SFSWAP: variants seen among roughly 807,000 people sequenced by gnomAD.
The protein encoded by SFSWAP is splicing factor SWAP.
In SFSWAP, 17 loss-of-function variants were observed where a neutral mutation model predicts 100.7. The ratio of observed to expected loss-of-function variants is 0.17; its 90% confidence interval spans 0.12 to 0.25. The LOEUF (loss-of-function observed/expected upper bound fraction) is 0.25. SFSWAP is among the 10% of genes least tolerant of loss of function. The pLI is 1.00. For synonymous variants in SFSWAP, 504 were observed against 510.1 expected, an observed-to-expected ratio of 0.99 and a Z score of 0.16; for missense variants, 1,005 against 1,262.6, an observed-to-expected ratio of 0.80 and a Z score of 3.09.
intron 9 of SFSWAP, 76 bp downstream of exon 9, chr12:131,754,575 G>T: frequency 9.9e-7 from 1 of 1,011,632 alleles, no homozygotes; most frequent in Non-Finnish European, 1.3e-6. Context: ...AAAAATGTAG[G>T]TACAGAATTA....
rs1052617801 is a variant in SFSWAP at position 131,794,445 on chromosome 12, G to A, written c.2535-2733G>A. Among the ~76,000 whole-genome samples, 19 of 151,998 alleles carry A rather than the reference G, an allele frequency of 1.3e-4. No individual in the cohort carries two copies. The highest frequency in any genetic ancestry group is 1.2e-3 in the Admixed American group (18 of 15,238). Reference sequence around the variant, plus strand: ...CCAGCTACTTGGGAGGCTGAGGCAAGAGGATCACTGGAGCCTGGGAGGTCA... The same window carrying A: ...CCAGCTACTTGGGAGGCTGAGGCAAAAGGATCACTGGAGCCTGGGAGGTCA... On this transcript the variant is annotated intron_variant, in intron 15 of 17. Coordinates refer to ENST00000261674, the MANE Select transcript of SFSWAP (RefSeq NM_004592.4). This position sits in a 1 kb window ranked among gnomAD's most constrained non-coding sequence, Gnocchi z 4.8.
intron 13 of SFSWAP, among the ~76,000 whole-genome samples, chr12:131,771,159 T>C (rs1248290788): frequency 2.0e-5 from 3 of 152,200 alleles, no homozygotes; most frequent in Non-Finnish European, 4.4e-5. Flanking sequence ...TCATAGGGGA[T>C]CATACCCTAC....
intron 13 of SFSWAP, among the ~76,000 whole-genome samples, chr12:131,777,258 C>T (rs1884099630): frequency 6.6e-6 from 1 of 152,094 alleles, no homozygotes; most frequent in South Asian, 2.1e-4. Flanking sequence ...CATCATTTAA[C>T]GTTAGGTATA....
At chr12:131,785,054 G>A (rs1443827736) in intron 14 of SFSWAP, 1 of 1,528,254 alleles carries the variant, frequency 6.5e-7, no homozygotes, top group Non-Finnish European at 8.8e-7. Flanking sequence ...AATGTGAAGT[G>A]TGTGCCTCCG....
intron 7 of SFSWAP, among the ~76,000 whole-genome samples, chr12:131,732,773 C>T (rs1879631990): frequency 6.6e-6 from 1 of 152,188 alleles, no homozygotes; most frequent in African/African-American, 2.4e-5. Context: ...GCACAACCGT[C>T]AGAGGCATTG....
chr12:131,775,593 G>C (rs574722999), intron 13 of SFSWAP, among the ~76,000 whole-genome samples: 2 of 152,126 alleles, frequency 1.3e-5, no homozygotes, highest in Admixed American at 1.3e-4. Context: ...TCTCCCTTTC[G>C]GTGTGTATGG....
At chr12:131,792,132 CGT>C (rs1396119235) in intron 15 of SFSWAP, among the ~76,000 whole-genome samples, 3 of 147,300 alleles carry the variant, frequency 2.0e-5, no homozygotes, top group African/African-American at 7.8e-5. Flanking sequence ...TGTGTGTGCA[CGT>C]GTGTGTTCAC....
At chr12:131,781,613 A>G (rs1391106673) in intron 14 of SFSWAP, among the ~76,000 whole-genome samples, 1 of 152,210 alleles carries the variant, frequency 6.6e-6, no homozygotes, top group Non-Finnish European at 1.5e-5. Context: ...CTTTCAGTTA[A>G]AAGAAAAAAT....
In SFSWAP at chr12:131,766,156, C is replaced by A. The variant is rs561221169; in HGVS notation, c.1990C>A (p.Arg664=). The change falls in exon 13 of 18, where the codon CGG becomes AGG. Residue 664 remains arginine, a synonymous_variant. Coordinates refer to ENST00000261674, the MANE Select transcript of SFSWAP (RefSeq NM_004592.4). ...GGAAGATCGCCTCGCAGCTGCTGCCCGGGAAAAGCTGGCCCAGGCGTCTAA... is the reference window on the plus strand; with the variant it reads ...GGAAGATCGCCTCGCAGCTGCTGCCAGGGAAAAGCTGGCCCAGGCGTCTAA... ...KLEDRLAAAA[R]EKLAQASKES... is the part of the protein sequence containing the mutation. 3 of 1,613,448 alleles carry A rather than the reference C, an allele frequency of 1.9e-6. No individual in the cohort carries two copies. The highest frequency in any genetic ancestry group is 2.7e-5 in the African/African-American group (2 of 74,906).
rs576296594 is a variant in SFSWAP, at chr12:131,740,973, T to C, written c.1082-12150T>C. ...TTTTTTTTTCTTTTTTTTCTTTTTTTTTTTTTTTTTTTTTTTTGAGATAGA... is the reference window on the plus strand; with the variant it reads ...TTTTTTTTTCTTTTTTTTCTTTTTTCTTTTTTTTTTTTTTTTTGAGATAGA... On this transcript the variant is annotated intron_variant, in intron 7 of 17. Transcript: ENST00000261674. 2.8e-3 allele frequency among the ~76,000 whole-genome samples: 354 copies of C among 125,972 alleles called. 1 individual carries two copies. The highest frequency in any genetic ancestry group is 0.01 in the East Asian group (47 of 4,510). The allele number at this position is 125,972 out of a possible 152,430, so 82.6% of individuals were successfully genotyped here.
Position 131,761,638 on chromosome 12 carries a change from C to T in SFSWAP, c.1721-2818C>T, listed in dbSNP as rs116399818. Reference sequence around the variant, plus strand: ...GGAACTGGGTTTATTCTGAATGCAGCGTGAGACCTACTCACTGAAGCTGTA... The same window carrying T: ...GGAACTGGGTTTATTCTGAATGCAGTGTGAGACCTACTCACTGAAGCTGTA... On this transcript the variant is annotated intron_variant, in intron 11 of 17. Transcript: ENST00000261674. Among the ~76,000 whole-genome samples the T allele has an allele frequency of 6.6e-3, 999 of 152,268 alleles. 15 individuals carry two copies. The highest frequency in any genetic ancestry group is 0.023 in the African/African-American group (951 of 41,548).
At chr12:131,731,277 C>T (rs903078013) in intron 7 of SFSWAP, among the ~76,000 whole-genome samples, 2 of 152,214 alleles carry the variant, frequency 1.3e-5, no homozygotes, top group Non-Finnish European at 2.9e-5. Flanking sequence ...GCGGCCATTC[C>T]AGAATCTGCA....
chr12:131,779,223 C>CGGCGCGGGTGAGCGTGTGTGAAGAGGGA lies in SFSWAP; in HGVS notation c.2408+920_2408+921insAGGCGCGGGTGAGCGTGTGTGAAGAGGG, dbSNP rs1884281595. Among the ~76,000 whole-genome samples, 2 of 149,694 alleles carry CGGCGCGGGTGAGCGTGTGTGAAGAGGGA rather than the reference C, an allele frequency of 1.3e-5. 1 individual carries two copies. On this transcript the variant is annotated intron_variant, in intron 14 of 17. Coordinates refer to ENST00000261674, the MANE Select transcript of SFSWAP (RefSeq NM_004592.4). The stretch of plus-strand genomic sequence containing the variant: ...CGCGGATGAGTGTGTGTGAAGAGGG[C>CGGCGCGGGTGAGCGTGTGTGAAGAGGGA]GGCGCGGGTGAGCGTGTGTGAAGAG...
Position 131,786,671 on chromosome 12 carries a change from G to A in SFSWAP, c.2534+83G>A. ...AAGGGCGTCTGAAGGTCGGGTATCT[G>A]TGAGCAGAGCTGTGGATGACCAGAG... is the stretch of plus-strand genomic sequence containing the variant. On this transcript the variant is annotated intron_variant, in intron 15 of 17. Coordinates refer to ENST00000261674, the MANE Select transcript of SFSWAP (RefSeq NM_004592.4). 4 of 1,447,182 alleles carry A rather than the reference G, an allele frequency of 2.8e-6. No homozygotes were observed. The South Asian group carries it at 5.3e-5, about 19-fold the overall frequency. 89.6% of individuals were successfully genotyped at this position (1,447,182 alleles called of 1,614,324 possible). A position where few individuals can be genotyped will look rare whatever the true frequency, so the allele number is the denominator to read the frequency against.
intron 7 of SFSWAP, among the ~76,000 whole-genome samples, chr12:131,740,791 A>G (rs1246329093): frequency 6.6e-6 from 1 of 151,900 alleles, no homozygotes; most frequent in Non-Finnish European, 1.5e-5. Context: ...CAGCCTTTCT[A>G]TATAAAGGTG....
intron 7 of SFSWAP, among the ~76,000 whole-genome samples, chr12:131,743,162 C>T (rs998752678): frequency 6.6e-5 from 10 of 152,242 alleles, no homozygotes; most frequent in Admixed American, 5.2e-4. Context: ...ACCATATCAT[C>T]CCCTCTCACC....
rs914866919 is a variant in SFSWAP at position 131,725,653 on chromosome 12, C to T, written c.832+23C>T. On this transcript the variant is annotated intron_variant, in intron 5 of 17. Transcript: ENST00000261674. This position sits in a 1 kb window ranked among gnomAD's most constrained non-coding sequence, Gnocchi z 4.3. ...AAAGTAGGTCCCACTGCGTCTGTTC[C>T]GTCCAGACTTTGGGCCTGTGTTGTG... 8.3e-6 allele frequency: 13 copies of T among 1,573,440 alleles called. No individual in the cohort carries two copies. The highest frequency in any genetic ancestry group is 4.0e-5 in the African/African-American group (3 of 74,210).
chr12:131,756,734 C>A, intron 11 of SFSWAP, 90 bp downstream of exon 11: 1 of 1,218,992 alleles, frequency 8.2e-7, no homozygotes, highest in African/African-American at 1.5e-5. Context: ...AGCGCCCTCA[C>A]CTGCAGGCTG....
chr12:131,771,686 G>A (rs1247783232), intron 13 of SFSWAP, among the ~76,000 whole-genome samples: 4 of 123,838 alleles, frequency 3.2e-5, no homozygotes, highest in East Asian at 2.5e-4. Flanking sequence ...ACGGAGTCTC[G>A]CTCTGTCTCC....
Sources: allele counts gnomAD v4.1 joint callset (sites outside exome capture counted in the v4.1 genomes callset), GRCh38; gene constraint gnomAD v4.1.1; non-coding constraint Gnocchi (gnomAD v3.1); transcripts MANE v1.5; gene names NCBI Gene and HGNC (gene_info 2026-07-23, HGNC 2026-07-21).